Variants in KCNQ3 observed in about 807,000 individuals in gnomAD.
KCNQ3 encodes potassium voltage-gated channel subfamily KQT member 3.
In KCNQ3, 30 loss-of-function variants were observed where a neutral mutation model predicts 92.5. The ratio of observed to expected loss-of-function variants is 0.32; its 90% confidence interval spans 0.24 to 0.44. KCNQ3 has a LOEUF of 0.44. KCNQ3 is among the 20% of genes least tolerant of loss of function. The pLI is 1.00. For synonymous variants in KCNQ3, 450 were observed against 468.8 expected (o/e 0.96, Z 0.52); for missense variants, 913 against 1,140.3 (o/e 0.80, Z 2.87).
chr8:132,467,398 A>G (rs964751530), intron 1 of KCNQ3, among the ~76,000 whole-genome samples: 2 of 152,194 alleles, frequency 1.3e-5, no homozygotes, highest in African/African-American at 4.8e-5. Flanking sequence ...AGTGGATACA[A>G]ACATTAGTTG....
intron 1 of KCNQ3, among the ~76,000 whole-genome samples, chr8:132,325,801 C>A (rs1818030969): frequency 6.6e-6 from 1 of 152,210 alleles, no homozygotes; most frequent in African/African-American, 2.4e-5. Flanking sequence ...CATCAGACAT[C>A]CAGCTTCTGC....
chr8:132,357,683 G>A (rs539519757), intron 1 of KCNQ3, among the ~76,000 whole-genome samples: 3 of 152,302 alleles, frequency 2.0e-5, no homozygotes, highest in Admixed American at 6.5e-5. Flanking sequence ...ACAGCCCTGT[G>A]TGCCAGTCTC....
At chr8:132,146,847 AG>A (rs1351754253) in intron 9 of KCNQ3, among the ~76,000 whole-genome samples, 1 of 152,144 alleles carries the variant, frequency 6.6e-6, no homozygotes, top group African/African-American at 2.4e-5. Context: ...TAGTAGAAAC[AG>A]GGTTTTGCCA....
intron 1 of KCNQ3, among the ~76,000 whole-genome samples, chr8:132,325,903 A>T (rs1051858607): frequency 6.6e-6 from 1 of 152,224 alleles, no homozygotes; most frequent in African/African-American, 2.4e-5. Context: ...GTAGTCAAAT[A>T]CAGAACTGAA....
intron 1 of KCNQ3, among the ~76,000 whole-genome samples, chr8:132,385,556 G>A (rs991031466): frequency 1.3e-5 from 2 of 152,058 alleles, no homozygotes; most frequent in Non-Finnish European, 2.9e-5. Flanking sequence ...CTTGAGAGTG[G>A]GCTTGTTATA....
intron 1 of KCNQ3, among the ~76,000 whole-genome samples, chr8:132,462,319 A>G (rs1461056470): frequency 6.6e-6 from 1 of 152,006 alleles, no homozygotes; most frequent in Admixed American, 6.6e-5. Context: ...CCACTCGAGT[A>G]GCTGGGATTA....
intron 1 of KCNQ3, among the ~76,000 whole-genome samples, chr8:132,208,303 C>T (rs575235127): frequency 6.6e-6 from 1 of 152,096 alleles, no homozygotes; most frequent in South Asian, 2.1e-4. Flanking sequence ...GGGCGGTCAA[C>T]AGTATCCTAC....
intron 1 of KCNQ3, among the ~76,000 whole-genome samples, chr8:132,279,172 T>C (rs908723692): frequency 1.1e-4 from 16 of 152,254 alleles, no homozygotes; most frequent in African/African-American, 3.9e-4. Context: ...GAGCCGAGAT[T>C]GTGCCACTGC....
At chr8:132,325,711 A>T (rs972546217) in intron 1 of KCNQ3, among the ~76,000 whole-genome samples, 1 of 152,186 alleles carries the variant, frequency 6.6e-6, no homozygotes, top group Admixed American at 6.5e-5. Flanking sequence ...GAACTGCGGG[A>T]AAATACATTC....
At chr8:132,338,657 G>A (rs1586938845) in intron 1 of KCNQ3, among the ~76,000 whole-genome samples, 2 of 152,154 alleles carry the variant, frequency 1.3e-5, no homozygotes, top group Admixed American at 1.3e-4. Flanking sequence ...AATGGCGCCC[G>A]CCAGTCCAGA....
chr8:132,157,787 C>A (rs1186998769), intron 9 of KCNQ3, among the ~76,000 whole-genome samples: 1 of 151,918 alleles, frequency 6.6e-6, no homozygotes, highest in African/African-American at 2.4e-5. Context: ...GTTTTAAGCC[C>A]CACATACATT....
intron 1 of KCNQ3, among the ~76,000 whole-genome samples, chr8:132,231,556 A>AGATT (rs997406108): frequency 2.0e-5 from 3 of 152,188 alleles, no homozygotes; most frequent in Non-Finnish European, 4.4e-5. Context: ...GAAACACCAG[A>AGATT]GATTGCTTTT....
chr8:132,320,347 TA>T (rs1817862780), intron 1 of KCNQ3, among the ~76,000 whole-genome samples: 1 of 152,144 alleles, frequency 6.6e-6, no homozygotes, highest in South Asian at 2.1e-4. Context: ...ATAACACAGA[TA>T]AACAGCATGA....
chr8:132,279,083 G>C (rs763941600), intron 1 of KCNQ3, among the ~76,000 whole-genome samples: 2 of 152,122 alleles, frequency 1.3e-5, no homozygotes, highest in African/African-American at 4.8e-5. Flanking sequence ...GCTGGGCTTG[G>C]TGGTGGATAC....
intron 1 of KCNQ3, among the ~76,000 whole-genome samples, chr8:132,259,714 TTC>T (rs1232259908): frequency 6.6e-6 from 1 of 152,134 alleles, no homozygotes; most frequent in African/African-American, 2.4e-5. Context: ...ATTAAACTAT[TTC>T]TGTTTGCAAC....
chr8:132,283,470 T>C (rs1044064322), intron 1 of KCNQ3, among the ~76,000 whole-genome samples: 1 of 152,200 alleles, frequency 6.6e-6, no homozygotes, highest in Non-Finnish European at 1.5e-5. Flanking sequence ...AGTGAACAAA[T>C]GTGATGTATT....
At chr8:132,292,405 A>G (rs1194890589) in intron 1 of KCNQ3, among the ~76,000 whole-genome samples, 1 of 152,250 alleles carries the variant, frequency 6.6e-6, no homozygotes, top group African/African-American at 2.4e-5. Flanking sequence ...AGAGGTTCAG[A>G]GAGATGAAGT....
At chr8:132,205,654 C>G (rs559201258) in intron 1 of KCNQ3, among the ~76,000 whole-genome samples, 3 of 152,194 alleles carry the variant, frequency 2.0e-5, no homozygotes, top group Non-Finnish European at 4.4e-5. Flanking sequence ...GGTAAATGAT[C>G]TTAGCCCTAG....
intron 1 of KCNQ3, among the ~76,000 whole-genome samples, chr8:132,315,726 G>A (rs188976802): frequency 7.5e-4 from 113 of 151,642 alleles, no homozygotes; most frequent in Non-Finnish European, 1.4e-3. Context: ...TTTTCCTTGT[G>A]TCTGAAATAT....
Sources: gnomAD v4.1 joint callset for allele counts (sites outside exome capture counted in the v4.1 genomes callset) on GRCh38, gnomAD v4.1.1 for gene constraint, MANE v1.5 for transcripts, NCBI Gene and HGNC (gene_info 2026-07-23, HGNC 2026-07-21) for gene names.